The following OTOA variants were observed in gnomAD, a reference collection of about 807,000 sequenced individuals.
OTOA encodes the protein cancer/testis antigen 108.
OTOA carries 70 observed loss-of-function variants against 110.8 expected under a neutral mutation model. That is an observed-to-expected ratio of 0.63 (90% CI 0.52 to 0.77). The LOEUF (loss-of-function observed/expected upper bound fraction) is 0.77, where lower values mean the gene tolerates loss of function less well. Ranked by LOEUF, OTOA falls within the 30% of genes least tolerant of loss-of-function variation. The probability of loss-of-function intolerance (pLI) is 0.00; values close to 1 mark genes in which losing one functional copy is unlikely to be tolerated. For missense variants in OTOA, 917 were observed against 1,075.8 expected (o/e 0.85, Z 2.06); for synonymous variants, 373 against 431.5 (o/e 0.86, Z 1.68).
chr16:21,668,553 C>G (rs1966845099), intron 1 of OTOA, among the ~76,000 whole-genome samples: 1 of 150,380 alleles, frequency 6.6e-6, no homozygotes, highest in South Asian at 2.1e-4. Context: ...CTCTGCCTCC[C>G]GGGTTCAAGA....
At chr16:21,691,215 T>C (rs930948387) in intron 8 of OTOA, among the ~76,000 whole-genome samples, 3 of 152,160 alleles carry the variant, frequency 2.0e-5, no homozygotes, top group Non-Finnish European at 2.9e-5. Context: ...CAGTCCATCA[T>C]TGGAGGACAT....
chr16:21,693,441 A>G (rs554729736), intron 9 of OTOA, among the ~76,000 whole-genome samples: 1 of 152,352 alleles, frequency 6.6e-6, no homozygotes, highest in East Asian at 1.9e-4. Context: ...AAGATAGAGA[A>G]GGAAACAAAA....
chr16:21,726,933 C>T (rs1898936415), intron 19 of OTOA, among the ~76,000 whole-genome samples: 1 of 151,294 alleles, frequency 6.6e-6, no homozygotes, highest in Non-Finnish European at 1.5e-5. Context: ...GGTTATGTGG[C>T]TTTGGGTGAA....
chr16:21,679,415 T>G (rs1481402498), intron 5 of OTOA, among the ~76,000 whole-genome samples: 2 of 152,162 alleles, frequency 1.3e-5, no homozygotes, highest in Admixed American at 1.3e-4. Flanking sequence ...TTTTTTTCTT[T>G]TTTTGAATGG....
chr16:21,709,982 G>A lies in OTOA; in HGVS notation c.1199G>A (p.Ser400Asn), dbSNP rs1265021979. 4 of 1,613,832 alleles carry A rather than the reference G, an allele frequency of 2.5e-6. No individual in the cohort carries two copies. The highest frequency in any genetic ancestry group is 3.4e-6 in the Non-Finnish European group (4 of 1,179,908). Residue 400 changes from serine to asparagine, a missense_variant, in exon 13 of 29, where the codon AGC (serine) becomes AAC (asparagine). Ser to Asn is a conservative substitution (Grantham distance 46). Coordinates refer to ENST00000646100, the MANE Select transcript of OTOA (RefSeq NM_144672.4). ...GATGCAGTTGTAGGTTTGACCTACA[G>A]CCAACTGGAATCCCTCTCCCCCGAG... ...LSDAVVGLTY[S>N]QLESLSPEAV...
chr16:21,709,951 T>TA lies in OTOA; in HGVS notation c.1168_1169insA (p.Leu390TyrfsTer50). 2 of 1,613,992 alleles carry TA rather than the reference T, an allele frequency of 1.2e-6. No individual in the cohort carries two copies. Among genetic ancestry groups the TA allele is most frequent in the Non-Finnish European group, 1.7e-6 (2 of 1,179,936 alleles). ...GACCCTCAATGAGACCCTGGGTTCTTTGTCGGATGCAGTTGTAGGTTTGAC... is the reference window on the plus strand; with the variant it reads ...GACCCTCAATGAGACCCTGGGTTCTTATGTCGGATGCAGTTGTAGGTTTGAC... On this transcript the variant is annotated frameshift_variant, in exon 13 of 29. Transcript: ENST00000646100. LOFTEE classifies it high-confidence loss of function.
Position 21,715,019 on chromosome 16 carries a change from C to T in OTOA, c.1355C>T (p.Ala452Val). 6.2e-7 allele frequency: 1 copy of T among 1,614,216 alleles called. No individual in the cohort carries two copies. The highest frequency in any genetic ancestry group is 1.1e-5 in the South Asian group (1 of 91,090). The change falls in exon 14 of 29, where the codon GCA becomes GTA. Residue 452 changes from alanine to valine, a missense_variant. Ala to Val is a moderately conservative substitution (Grantham distance 64, BLOSUM62 0). Transcript: ENST00000646100. ...TTCTACAATGTCAGCCAGATGGGCG[C>T]ACTGCTGGCTGGGGTCAGCACCCAG... is the stretch of plus-strand genomic sequence containing the variant. ...LSFYNVSQMG[A>V]LLAGVSTQAF... is the part of the protein sequence containing the mutation.
chr16:21,695,891 A>ATATATATATATATATTTTTT (rs569493650), intron 9 of OTOA, among the ~76,000 whole-genome samples: 6 of 41,900 alleles, frequency 1.4e-4, no homozygotes, highest in South Asian at 1.1e-3. Context: ...ATATATATAT[A>ATATATATATATATATTTTTT]TTTTTTTTTT....
At chr16:21,685,525 CACTT>C (rs1377075992) in intron 7 of OTOA, among the ~76,000 whole-genome samples, 164 bp downstream of exon 7, 3 of 152,152 alleles carry the variant, frequency 2.0e-5, no homozygotes, top group Non-Finnish European at 4.4e-5. Flanking sequence ...TAAGTTTTCT[CACTT>C]ACTTTCTCCA....
rs180970663 is a variant in OTOA, at chr16:21,719,509, C to T, written c.1806+5C>T. 2.8e-5 allele frequency: 45 copies of T among 1,611,412 alleles called. No individual in the cohort carries two copies. The East Asian group carries it at 6.7e-4, about 24-fold the overall frequency. On this transcript the variant is annotated splice_donor_5th_base_variant and intron_variant, in intron 17 of 28. Transcript: ENST00000646100. ...GCCCTGCTTTCACCCTATCAGGTAC[C>T]GTTAAAGCATTTTCCAGCTTCTAAT...
intron 21 of OTOA, among the ~76,000 whole-genome samples, chr16:21,735,586 A>C (rs1899265780): frequency 6.6e-6 from 1 of 152,200 alleles, no homozygotes; most frequent in South Asian, 2.1e-4. Context: ...GGGTAGGTAC[A>C]CATACATTTT....
At chr16:21,757,382 C>CT (rs1900027262) in intron 28 of OTOA, 105 bp downstream of exon 28, 1 of 331,044 alleles carries the variant, frequency 3.0e-6, no homozygotes, top group Non-Finnish European at 6.0e-6. Flanking sequence ...AGCGAGGTCT[C>CT]TGACAGTCAC....
chr16:21,675,109 CTTTCTTT>C (rs1440319567), intron 1 of OTOA, among the ~76,000 whole-genome samples: 1 of 127,754 alleles, frequency 7.8e-6, no homozygotes, highest in Non-Finnish European at 1.6e-5. Flanking sequence ...TTCTTTCTTT[CTTTCTTT>C]TTCTTTCTCT....
chr16:21,675,712 C>T (rs567703571), intron 1 of OTOA, among the ~76,000 whole-genome samples: 1 of 152,170 alleles, frequency 6.6e-6, no homozygotes, highest in Admixed American at 6.5e-5. Context: ...AGAAGTTCCT[C>T]TTGGGGTTTT....
intron 22 of OTOA, 120 bp downstream of exon 22, chr16:21,736,510 A>G (rs1485101610): frequency 1.7e-6 from 2 of 1,162,346 alleles, no homozygotes; most frequent in Middle Eastern, 2.2e-4. Context: ...GCAAAGCAAT[A>G]GAATGACAAA....
intron 11 of OTOA, among the ~76,000 whole-genome samples, chr16:21,704,493 G>C (rs906981736): frequency 1.3e-5 from 2 of 152,170 alleles, no homozygotes; most frequent in African/African-American, 4.8e-5. Flanking sequence ...GGGCTAATGA[G>C]AGCACCTGCC....
rs1207306013 is a variant in OTOA, at chr16:21,736,328, G to A, written c.2369G>A (p.Trp790Ter). Reference protein sequence around the residue: ...ARTLPTKEFLWAVFQSVRNSS... With the variant: ...ARTLPTKEFL ...ACCCTGCCCACTAAAGAATTCCTCT[G>A]GGCTGTCTTTCAGTCTGTTCGGAAC... The change falls in exon 22 of 29, where the codon TGG (tryptophan) becomes TAG (stop). Residue 790 changes from tryptophan (W) to a stop codon, truncating the protein, a stop_gained. Coordinates refer to ENST00000646100, the MANE Select transcript of OTOA (RefSeq NM_144672.4). LOFTEE classifies it high-confidence loss of function. 2 of 1,613,982 alleles carry A rather than the reference G, an allele frequency of 1.2e-6. No individual in the cohort carries two copies. The highest frequency in any genetic ancestry group is 8.5e-7 in the Non-Finnish European group (1 of 1,180,016).
At chr16:21,684,140 AT>A (rs1239261350) in intron 6 of OTOA, among the ~76,000 whole-genome samples, 2 of 152,032 alleles carry the variant, frequency 1.3e-5, no homozygotes, top group East Asian at 1.9e-4. Context: ...AAAAAAAAAA[AT>A]GTGTAGTTTT....
intron 11 of OTOA, among the ~76,000 whole-genome samples, chr16:21,702,032 C>A (rs1284359101): frequency 6.7e-5 from 10 of 150,070 alleles, no homozygotes; most frequent in Non-Finnish European, 1.5e-4. Flanking sequence ...CTCACTACAA[C>A]CTCCACCTCC....
Sources: gnomAD v4.1 joint callset for allele counts (sites outside exome capture counted in the v4.1 genomes callset) on GRCh38, gnomAD v4.1.1 for gene constraint, MANE v1.5 for transcripts, NCBI Gene and HGNC (gene_info 2026-07-23, HGNC 2026-07-21) for gene names.